MYH9: variants seen among roughly 807,000 people sequenced by gnomAD.
The protein encoded by MYH9 is myosin heavy chain 9, also known as myosin-9.
Under a neutral mutation model 241.9 loss-of-function variants are expected in MYH9, and 29 were observed. That is an observed-to-expected ratio of 0.12 (90% CI 0.09 to 0.16). The LOEUF (loss-of-function observed/expected upper bound fraction) is 0.16, where lower values mean the gene tolerates loss of function less well. MYH9 is among the 10% of genes least tolerant of loss of function. The probability of loss-of-function intolerance (pLI) is 1.00; values close to 1 mark genes in which losing one functional copy is unlikely to be tolerated. For synonymous variants in MYH9, 1,047 were observed against 1,062.6 expected (o/e 0.99, Z 0.29); for missense variants, 1,803 against 2,595.5 (o/e 0.69, Z 6.63).
chr22:36,385,881 C>T (rs1017894810), intron 1 of MYH9, among the ~76,000 whole-genome samples: 3 of 152,210 alleles, frequency 2.0e-5, no homozygotes, highest in South Asian at 2.1e-4. Context: ...TTTCCAACAC[C>T]GCATGCTTGC....
At chr22:36,317,656 G>T (rs1300534679) in intron 11 of MYH9, among the ~76,000 whole-genome samples, 1 of 152,212 alleles carries the variant, frequency 6.6e-6, no homozygotes, top group Non-Finnish European at 1.5e-5. Flanking sequence ...AAAGAAACTA[G>T]AAACCCCGGA....
intron 3 of MYH9, among the ~76,000 whole-genome samples, chr22:36,334,150 T>G (rs561041716): frequency 1.3e-5 from 2 of 151,710 alleles, no homozygotes; most frequent in Non-Finnish European, 2.9e-5. Flanking sequence ...TAACTGCAGA[T>G]TCCTCTTCTA....
rs1477910728 is a variant in MYH9, at chr22:36,295,104, AG to A, written c.3486-29del. The A allele has an allele frequency of 6.2e-7, 1 of 1,613,908 alleles. No individual in the cohort carries two copies. The highest frequency in any genetic ancestry group is 8.5e-7 in the Non-Finnish European group (1 of 1,180,012). ...GGACAGAGAAATCCCCTCAGAGTGGAGGCCGGGGATGCTGGAGCGAGGCTGT... is the reference window on the plus strand; with the variant it reads ...GGACAGAGAAATCCCCTCAGAGTGGAGCCGGGGATGCTGGAGCGAGGCTGT... On this transcript the variant is annotated intron_variant, in intron 26 of 40. Coordinates refer to ENST00000216181, the MANE Select transcript of MYH9 (RefSeq NM_002473.6). This position sits in a 1 kb window ranked among gnomAD's most constrained non-coding sequence, Gnocchi z 4.1.
At chr22:36,345,313 A>C (rs1405097926) in intron 2 of MYH9, among the ~76,000 whole-genome samples, 2 of 866 alleles carry the variant, frequency 2.3e-3, no homozygotes, top group African/African-American at 5.3e-3. Flanking sequence ...CTCCGTCTCA[A>C]AAAAAAAAAA....
In MYH9 at chr22:36,282,225, G is replaced by T; in HGVS notation, c.*443C>A. On this transcript the variant is annotated 3_prime_UTR_variant, in exon 41 of 41. Transcript: ENST00000216181. ...TTGCAAACAGCAAAGAAAGGAGGAG[G>T]AGTGGGGGCGCTGGTGGCAGACGTC... is the stretch of plus-strand genomic sequence containing the variant. 3 of 364,378 alleles carry T rather than the reference G, an allele frequency of 8.2e-6. No homozygotes were observed. Among genetic ancestry groups the T allele is most frequent in the Non-Finnish European group, 1.5e-5 (3 of 194,778 alleles). The allele number at this position is 364,378 out of a possible 1,614,324, so 22.6% of individuals were successfully genotyped here.
At chr22:36,327,169 G>A (rs910996307) in intron 4 of MYH9, among the ~76,000 whole-genome samples, 7 of 152,198 alleles carry the variant, frequency 4.6e-5, no homozygotes, top group African/African-American at 1.7e-4. Context: ...CGGAGGAGCT[G>A]GTTCCCAGCT....
intron 3 of MYH9, among the ~76,000 whole-genome samples, chr22:36,341,096 G>A (rs1037336275): frequency 1.8e-4 from 27 of 152,136 alleles, no homozygotes; most frequent in African/African-American, 5.8e-4. Context: ...GAGGGGACAG[G>A]CACAAGAGCT....
chr22:36,304,173 G>C lies in MYH9; in HGVS notation c.2230-18C>G. ...GCTTTTATCTAGGTGGGAGGAGCAG[G>C]CCGTTTACCTGGCCAGCAACTGGCC... On this transcript the variant is annotated intron_variant, in intron 18 of 40. Coordinates refer to ENST00000216181, the MANE Select transcript of MYH9 (RefSeq NM_002473.6). 6.2e-7 allele frequency: 1 copy of C among 1,613,052 alleles called. No homozygotes were observed. Among genetic ancestry groups the C allele is most frequent in the Admixed American group, 1.7e-5 (1 of 60,020 alleles).
intron 14 of MYH9, among the ~76,000 whole-genome samples, 190 bp from the exon 15 acceptor site, chr22:36,309,586 G>A (rs1177679331): frequency 6.6e-6 from 1 of 152,236 alleles, no homozygotes; most frequent in Non-Finnish European, 1.5e-5. Context: ...CGTTCTCTGC[G>A]GCGTCTCGTG....
Position 36,349,129 on chromosome 22 carries a change from G to C in MYH9, c.108C>G (p.Ser36=), listed in dbSNP as rs764743124. The part of the protein sequence containing the change: ...WAAKKLVWVP[S]DKSGFEPASL... ...TGGCTGGCTCAAAGCCACTCTTGTC[G>C]GAAGGCACCCATACCAGCTTCTTGG... is the stretch of plus-strand genomic sequence containing the variant. Residue 36 remains serine (S), a synonymous_variant, in exon 2 of 41, where the codon TCC becomes TCG. Coordinates refer to ENST00000216181, the MANE Select transcript of MYH9 (RefSeq NM_002473.6). 1.2e-6 allele frequency: 2 copies of C among 1,614,034 alleles called. No individual in the cohort carries two copies. The highest frequency in any genetic ancestry group is 1.7e-6 in the Non-Finnish European group (2 of 1,179,982).
In MYH9 at chr22:36,330,055, G is replaced by A. The variant is rs1309785618; in HGVS notation, c.491-2567C>T. Among the ~76,000 whole-genome samples, 1 of 152,234 alleles carries A rather than the reference G, an allele frequency of 6.6e-6. No homozygotes were observed. Among genetic ancestry groups the A allele is most frequent in the African/African-American group, 2.4e-5 (1 of 41,464 alleles). ...TACATAGCCATGCACACACACGGAT[G>A]TATGCACAGGCACACACACTTCAAA... On this transcript the variant is annotated intron_variant, in intron 3 of 40. Transcript: ENST00000216181. The surrounding 1 kb of genome is among the most constrained non-coding windows in gnomAD (Gnocchi z 4.5).
chr22:36,315,079 C>T (rs532593805), intron 12 of MYH9, among the ~76,000 whole-genome samples: 2 of 152,078 alleles, frequency 1.3e-5, no homozygotes, highest in African/African-American at 4.8e-5. Context: ...CCACCGCACC[C>T]GGCCTCTGTG....
Position 36,332,343 on chromosome 22 carries a change from G to A in MYH9, c.491-4855C>T, listed in dbSNP as rs984610017. ...TTAGCAGAGGCTGCAGATCTGTGCC[G>A]AGTGGGGTGGAGCTTCCTGGCAGCC... On this transcript the variant is annotated intron_variant, in intron 3 of 40. Transcript: ENST00000216181. 6.6e-5 allele frequency among the ~76,000 whole-genome samples: 10 copies of A among 152,220 alleles called. No individual in the cohort carries two copies. In the East Asian group the frequency reaches 1.7e-3, roughly 26 times the overall value.
chr22:36,293,870 C>T lies in MYH9; in HGVS notation c.3838-7G>A, dbSNP rs760181168. ...TCACGTTGTCCAGCTCCACCTGCAC[C>T]GGGCGGGGAGACACAAAGGACCATG... On this transcript the variant is annotated splice_region_variant and splice_polypyrimidine_tract_variant and intron_variant, in intron 28 of 40. Transcript: ENST00000216181. The surrounding 1 kb of genome is among the most constrained non-coding windows in gnomAD (Gnocchi z 5.1). The T allele has an allele frequency of 1.2e-5, 19 of 1,610,984 alleles. No individual in the cohort carries two copies. The highest frequency in any genetic ancestry group is 3.3e-5 in the Admixed American group (2 of 59,748).
intron 1 of MYH9, among the ~76,000 whole-genome samples, chr22:36,363,550 C>T (rs1471176646): frequency 6.6e-6 from 1 of 151,636 alleles, no homozygotes; most frequent in Non-Finnish European, 1.5e-5. Context: ...GCAGACAGAC[C>T]TAGGGCTGGA....
In MYH9 at chr22:36,366,595, G is replaced by A. The variant is rs917835552; in HGVS notation, c.-19-17340C>T. On this transcript the variant is annotated intron_variant, in intron 1 of 40. Transcript: ENST00000216181. ...GACTTGCCTAGGTACAGGGTTTCCC[G>A]GGAACATCCCTGCCGATGTGCAGGG... Among the ~76,000 whole-genome samples the A allele has an allele frequency of 4.6e-5, 7 of 152,232 alleles. No homozygotes were observed. The East Asian group carries it at 5.8e-4, about 13-fold the overall frequency.
At chr22:36,348,523 A>T (rs1007735354) in intron 2 of MYH9, among the ~76,000 whole-genome samples, 3 of 135,266 alleles carry the variant, frequency 2.2e-5, no homozygotes, top group African/African-American at 9.4e-5. Context: ...AAAAAAAAAA[A>T]TTAAATTAAA....
intron 19 of MYH9, 71 bp from the exon 20 acceptor site, chr22:36,302,747 C>A: frequency 7.3e-7 from 1 of 1,369,672 alleles, no homozygotes; most frequent in South Asian, 1.2e-5. Context: ...CTGGTCTTGT[C>A]CTCAAGCTTT....
Position 36,341,529 on chromosome 22 carries a change from A to T in MYH9, c.334-3T>A. ...ACACAGAACAGGCCTGAATAGGTCT[A>T]AAGAAAAGAGCGGCAGATAGGAACA... On this transcript the variant is annotated splice_polypyrimidine_tract_variant and splice_region_variant and intron_variant, in intron 2 of 40. Coordinates refer to ENST00000216181, the MANE Select transcript of MYH9 (RefSeq NM_002473.6). The T allele has an allele frequency of 6.2e-7, 1 of 1,613,916 alleles. No homozygotes were observed. The highest frequency in any genetic ancestry group is 8.5e-7 in the Non-Finnish European group (1 of 1,179,964).
Sources: gnomAD v4.1 joint callset for allele counts (sites outside exome capture counted in the v4.1 genomes callset) on GRCh38, gnomAD v4.1.1 for gene constraint, Gnocchi (gnomAD v3.1) non-coding constraint, MANE v1.5 for transcripts, NCBI Gene and HGNC (gene_info 2026-07-23, HGNC 2026-07-21) for gene names.